Variants in TGM6 observed in about 807,000 individuals in gnomAD.
TGM6 encodes the protein protein-glutamine gamma-glutamyltransferase 6.
A neutral mutation model predicts 77.5 loss-of-function variants in TGM6; 74 were observed. The ratio of observed to expected loss-of-function variants is 0.96; its 90% CI spans 0.79 to 1.16. The LOEUF is 1.16. Ranked by LOEUF, TGM6 falls within the 50% of genes most tolerant of loss-of-function variation. The probability of loss-of-function intolerance (pLI) is 0.00; values close to 1 mark genes in which losing one functional copy is unlikely to be tolerated. For synonymous variants in TGM6, 383 were observed against 378.9 expected, an observed-to-expected ratio of 1.01 and a Z score of -0.12; for missense variants, 968 against 940.2, an observed-to-expected ratio of 1.03 and a Z score of -0.39.
intron 1 of TGM6, among the ~76,000 whole-genome samples, chr20:2,384,317 T>C (rs1292442596): frequency 6.6e-6 from 1 of 152,160 alleles, no homozygotes; most frequent in East Asian, 1.9e-4. Flanking sequence ...CTACCCCATT[T>C]AATCCTCCTC....
intron 1 of TGM6, among the ~76,000 whole-genome samples, chr20:2,381,251 G>A (rs2084552750): frequency 6.6e-6 from 1 of 152,160 alleles, no homozygotes; most frequent in South Asian, 2.1e-4. Context: ...GACTGAAGGA[G>A]GCAGGCACAG....
At chr20:2,414,943 G>GT (rs33998426) in intron 9 of TGM6, among the ~76,000 whole-genome samples, 16,908 of 139,522 alleles carry the variant, frequency 0.12, 1,288 homozygotes, top group African/African-American at 0.17. Flanking sequence ...TTGGGGGGGG[G>GT]GGTGAAAAAA....
chr20:2,381,343 G>A (rs2084553434), intron 1 of TGM6, among the ~76,000 whole-genome samples: 1 of 152,190 alleles, frequency 6.6e-6, no homozygotes, highest in African/African-American at 2.4e-5. Context: ...GGCATAGTTG[G>A]GAATTGTGGC....
chr20:2,412,082 A>C (rs1371805742), intron 9 of TGM6, among the ~76,000 whole-genome samples: 1 of 152,222 alleles, frequency 6.6e-6, no homozygotes, highest in African/African-American at 2.4e-5. Context: ...AAGCAACCCA[A>C]GTGTCCATCA....
chr20:2,425,723 CTTAA>C (rs2084883531), intron 10 of TGM6, among the ~76,000 whole-genome samples: 2 of 152,156 alleles, frequency 1.3e-5, no homozygotes, highest in South Asian at 4.1e-4. Context: ...TTAAAAAAAT[CTTAA>C]TTGATATATA....
At chr20:2,404,640 A>AC (rs1213973003) in intron 9 of TGM6, among the ~76,000 whole-genome samples, 1 of 142,438 alleles carries the variant, frequency 7.0e-6, no homozygotes, top group Non-Finnish European at 1.6e-5. Context: ...CTCTGGTTGC[A>AC]CTTTTTTTTT....
At chr20:2,406,028 A>AC (rs2084748268) in intron 9 of TGM6, among the ~76,000 whole-genome samples, 1 of 152,038 alleles carries the variant, frequency 6.6e-6, no homozygotes, top group Admixed American at 6.6e-5. Flanking sequence ...TGCTGAAGAT[A>AC]CCCCCAAACC....
intron 9 of TGM6, among the ~76,000 whole-genome samples, chr20:2,408,577 A>G (rs2084766657): frequency 6.6e-6 from 1 of 152,208 alleles, no homozygotes; most frequent in African/African-American, 2.4e-5. Context: ...GGTGCTCAGT[A>G]CAGATTCACG....
In TGM6 at chr20:2,428,976, C is replaced by T. The variant is rs895645859; in HGVS notation, c.1679-1470C>T. 5.4e-4 allele frequency among the ~76,000 whole-genome samples: 72 copies of T among 133,932 alleles called. 1 individual carries two copies. The highest frequency in any genetic ancestry group is 2.0e-3 in the African/African-American group (68 of 33,698). The allele number at this position is 133,932 out of a possible 152,430, so 87.9% of individuals were successfully genotyped here. ...GTAGCTGGGATTATAGGCACAACAC[C>T]ACGCCCTGCTAATTTTGTAATTTTT... On this transcript the variant is annotated intron_variant, in intron 10 of 12. Transcript: ENST00000202625.
chr20:2,383,365 G>T lies in TGM6; in HGVS notation c.7+2390G>T, dbSNP rs557985762. 4.6e-5 allele frequency among the ~76,000 whole-genome samples: 7 copies of T among 152,296 alleles called. No individual in the cohort carries two copies. In the East Asian group the frequency reaches 5.8e-4, roughly 13 times the overall value. ...GGAGGAAGATGGATGAGCTAGGCTTGGGGGTGGGGATGGGTGGAGAGCTAA... is the reference window on the plus strand; with the variant it reads ...GGAGGAAGATGGATGAGCTAGGCTTTGGGGTGGGGATGGGTGGAGAGCTAA... On this transcript the variant is annotated intron_variant, in intron 1 of 12. Transcript: ENST00000202625.
chr20:2,404,641 C>CA (rs368490281), intron 9 of TGM6, among the ~76,000 whole-genome samples: 2 of 147,358 alleles, frequency 1.4e-5, no homozygotes, highest in Non-Finnish European at 3.0e-5. Context: ...TCTGGTTGCA[C>CA]TTTTTTTTTT....
At chr20:2,421,101 C>T (rs1371409154) in intron 10 of TGM6, among the ~76,000 whole-genome samples, 2 of 152,118 alleles carry the variant, frequency 1.3e-5, no homozygotes, top group African/African-American at 4.8e-5. Flanking sequence ...ATTCTCCTGC[C>T]TCAGCCTCTC....
chr20:2,402,124 C>T (rs1187293315), intron 7 of TGM6, among the ~76,000 whole-genome samples: 1 of 151,974 alleles, frequency 6.6e-6, no homozygotes, highest in Admixed American at 6.6e-5. Context: ...CACACACCTC[C>T]CCAGCTACTG....
chr20:2,402,523 T>C (rs898893618), intron 7 of TGM6, among the ~76,000 whole-genome samples: 3 of 152,218 alleles, frequency 2.0e-5, no homozygotes, highest in Non-Finnish European at 4.4e-5. Flanking sequence ...TTGGGGACTC[T>C]GTCACCACCC....
chr20:2,396,488 C>G lies in TGM6; in HGVS notation c.425-18C>G. The G allele has an allele frequency of 1.9e-6, 3 of 1,612,968 alleles. No individual in the cohort carries two copies. The highest frequency in any genetic ancestry group is 2.5e-6 in the Non-Finnish European group (3 of 1,178,902). Reference sequence around the variant, plus strand: ...GCCAGAGCCCCAGTCCACACCGGGCCTGATGACTGCTTTTCAGAGGACGAT... The same window carrying G: ...GCCAGAGCCCCAGTCCACACCGGGCGTGATGACTGCTTTTCAGAGGACGAT... On this transcript the variant is annotated intron_variant, in intron 3 of 12. Coordinates refer to ENST00000202625, the MANE Select transcript of TGM6 (RefSeq NM_198994.3).
In TGM6 at chr20:2,430,417, C is replaced by A. The variant is rs776907966; in HGVS notation, c.1679-29C>A. ...TGCCATTGAAGAAAGACATCAAGCC[C>A]CAACTCCCACTTCTGCTTTCCCTTC... On this transcript the variant is annotated intron_variant, in intron 10 of 12. Transcript: ENST00000202625. The A allele has an allele frequency of 1.5e-5, 24 of 1,614,088 alleles. 1 individual carries two copies. In the Middle Eastern group the frequency reaches 2.0e-3, roughly 133 times the overall value.
chr20:2,388,716 TA>T (rs1258275270), intron 1 of TGM6, among the ~76,000 whole-genome samples: 2 of 152,200 alleles, frequency 1.3e-5, no homozygotes, highest in African/African-American at 4.8e-5. Context: ...TATGGTTTAT[TA>T]AGATTAAATG....
intron 1 of TGM6, among the ~76,000 whole-genome samples, chr20:2,390,498 C>G (rs965640017): frequency 7.9e-5 from 12 of 152,208 alleles, no homozygotes; most frequent in Admixed American, 7.2e-4. Flanking sequence ...TTCTCTTTCC[C>G]TCAGTTTCCT....
At chr20:2,385,444 C>G (rs140018294) in intron 1 of TGM6, among the ~76,000 whole-genome samples, 10 of 152,186 alleles carry the variant, frequency 6.6e-5, no homozygotes, top group Non-Finnish European at 8.8e-5. Flanking sequence ...GCACTTGCTT[C>G]AGCAAACCAC....
Sources: gnomAD v4.1 joint callset for allele counts (sites outside exome capture counted in the v4.1 genomes callset) on GRCh38, gnomAD v4.1.1 for gene constraint, MANE v1.5 for transcripts, NCBI Gene and HGNC (gene_info 2026-07-23, HGNC 2026-07-21) for gene names.